Variants in HLCS observed in about 807,000 individuals in gnomAD.
HLCS encodes holocarboxylase synthetase.
A neutral mutation model predicts 75.0 loss-of-function variants in HLCS; 53 were observed. The ratio of observed to expected loss-of-function variants is 0.71; its 90% confidence interval spans 0.57 to 0.89. The LOEUF is 0.89. HLCS is among the 40% of genes least tolerant of loss of function. The probability of loss-of-function intolerance (pLI) is 0.00; values close to 1 mark genes in which losing one functional copy is unlikely to be tolerated. For synonymous variants in HLCS, 431 were observed against 428.6 expected, an observed-to-expected ratio of 1.01 and a Z score of -0.07; for missense variants, 966 against 1,074.0, an observed-to-expected ratio of 0.90 and a Z score of 1.41.
chr21:36,780,017 T>C (rs958360271), intron 6 of HLCS, among the ~76,000 whole-genome samples: 2 of 152,164 alleles, frequency 1.3e-5, no homozygotes, highest in African/African-American at 4.8e-5. Flanking sequence ...CACAAATGAA[T>C]GGATACATGC....
intron 6 of HLCS, among the ~76,000 whole-genome samples, chr21:36,837,615 G>A (rs1386127517): frequency 6.6e-6 from 1 of 152,030 alleles, no homozygotes; most frequent in African/African-American, 2.4e-5. Flanking sequence ...TTAGCAGCAG[G>A]AATATAATTA....
chr21:36,827,335 A>G (rs1189154654), intron 6 of HLCS, among the ~76,000 whole-genome samples: 1 of 152,098 alleles, frequency 6.6e-6, no homozygotes, highest in Non-Finnish European at 1.5e-5. Flanking sequence ...TTGGGATGCC[A>G]AGGCGAGCGG....
intron 6 of HLCS, among the ~76,000 whole-genome samples, chr21:36,875,462 C>T (rs1429372029): frequency 6.6e-6 from 1 of 152,240 alleles, no homozygotes; most frequent in East Asian, 1.9e-4. Flanking sequence ...GAGAGCTGGA[C>T]ACATGTCGGG....
Position 36,752,521 on chromosome 21 carries a change from TG to T in HLCS, c.*1724del, listed in dbSNP as rs1248175060. ...TTTGTCCCTGATGATATTCTGCAGA[TG>T]CCCTCTCAAGGGTAAGTCCATTTTG... On this transcript the variant is annotated 3_prime_UTR_variant, in exon 11 of 11. Coordinates refer to ENST00000674895, the MANE Select transcript of HLCS (RefSeq NM_001352514.2). The T allele has an allele frequency of 1.3e-5, 2 of 152,606 alleles. No homozygotes were observed. The highest frequency in any genetic ancestry group is 4.8e-5 in the African/African-American group (2 of 41,454). 9.5% of individuals were successfully genotyped at this position (152,606 alleles called of 1,614,324 possible).
At chr21:36,763,165 C>T (rs987700229) in intron 8 of HLCS, among the ~76,000 whole-genome samples, 5 of 152,166 alleles carry the variant, frequency 3.3e-5, no homozygotes, top group African/African-American at 4.8e-5. Context: ...GCTGAGATTA[C>T]AGGCACCCAT....
chr21:36,753,907 A>C lies in HLCS; in HGVS notation c.*339T>G, dbSNP rs1306553337. 1.5e-5 allele frequency: 6 copies of C among 393,460 alleles called. No individual in the cohort carries two copies. Among genetic ancestry groups the C allele is most frequent in the Non-Finnish European group, 2.9e-5 (6 of 208,732 alleles). 24.4% of individuals were successfully genotyped at this position (393,460 alleles called of 1,614,324 possible). On this transcript the variant is annotated 3_prime_UTR_variant, in exon 11 of 11. Coordinates refer to ENST00000674895, the MANE Select transcript of HLCS (RefSeq NM_001352514.2). The surrounding 1 kb of genome is among the most constrained non-coding windows in gnomAD (Gnocchi z 4.3). ...TCATAGACTAGGGGTAAAGGTCTGC[A>C]CTACTAAGAAAATATCTGAATTTTC...
intron 6 of HLCS, among the ~76,000 whole-genome samples, chr21:36,879,250 CAGAAA>C (rs1331245615): frequency 6.6e-6 from 1 of 152,118 alleles, no homozygotes; most frequent in Non-Finnish European, 1.5e-5. Flanking sequence ...AAGTATCTTC[CAGAAA>C]AGAAAGATTG....
At chr21:36,912,835 G>T (rs1005621561) in intron 5 of HLCS, among the ~76,000 whole-genome samples, 2 of 152,058 alleles carry the variant, frequency 1.3e-5, no homozygotes, top group South Asian at 4.2e-4. Flanking sequence ...GCAACCGAGG[G>T]GTCTCGCTGT....
intron 4 of HLCS, 102 bp from the exon 5 acceptor site, chr21:36,930,535 G>A: frequency 9.9e-7 from 1 of 1,010,268 alleles, no homozygotes; most frequent in Non-Finnish European, 1.5e-6. Context: ...TTTAGAGACA[G>A]GATCTCATTA....
In HLCS at chr21:36,753,968, A is replaced by G. The variant is rs974361872; in HGVS notation, c.*278T>C. The G allele has an allele frequency of 3.9e-6, 2 of 515,238 alleles. No homozygotes were observed. Among genetic ancestry groups the G allele is most frequent in the African/African-American group, 3.8e-5 (2 of 52,140 alleles). 31.9% of individuals were successfully genotyped at this position (515,238 alleles called of 1,614,324 possible). On this transcript the variant is annotated 3_prime_UTR_variant, in exon 11 of 11. Transcript: ENST00000674895. The surrounding 1 kb of genome is among the most constrained non-coding windows in gnomAD (Gnocchi z 4.3). ...TTCCATGTAAAAACTCCCCTTGACA[A>G]TAAACGTAAGTCCAAGCCACAGAGG...
chr21:36,851,091 A>T lies in HLCS; in HGVS notation c.1892+45769T>A, dbSNP rs184516990. Among the ~76,000 whole-genome samples the T allele has an allele frequency of 1.3e-3, 191 of 152,334 alleles. 2 individuals are homozygous for T. Among genetic ancestry groups the T allele is most frequent in the Admixed American group, 2.8e-3 (43 of 15,302 alleles). On this transcript the variant is annotated intron_variant, in intron 6 of 10. Transcript: ENST00000674895. ...CCTCCCCTCCCTCCATGGAAAAACA[A>T]AAAGGTTATGAGAGAGAAAGATATT...
At chr21:36,892,352 C>T (rs960423455) in intron 6 of HLCS, among the ~76,000 whole-genome samples, 1 of 152,108 alleles carries the variant, frequency 6.6e-6, no homozygotes, top group Non-Finnish European at 1.5e-5. Flanking sequence ...GGTTGCCAGA[C>T]AGCGACAAGG....
intron 6 of HLCS, among the ~76,000 whole-genome samples, chr21:36,797,340 T>C (rs2061057175): frequency 6.6e-6 from 1 of 152,104 alleles, no homozygotes; most frequent in Non-Finnish European, 1.5e-5. Flanking sequence ...ACAGTTGTTT[T>C]AATAGCATTT....
intron 6 of HLCS, among the ~76,000 whole-genome samples, chr21:36,825,591 T>G (rs2061982219): frequency 6.6e-6 from 1 of 152,132 alleles, no homozygotes; most frequent in African/African-American, 2.4e-5. Context: ...AGGAGGTGGG[T>G]CTGGTTCTAC....
At chr21:36,836,319 T>C (rs2062408874) in intron 6 of HLCS, among the ~76,000 whole-genome samples, 1 of 152,120 alleles carries the variant, frequency 6.6e-6, no homozygotes, top group Admixed American at 6.5e-5. Context: ...GAGGGAATTT[T>C]TTTTTATTAT....
chr21:36,854,188 T>C (rs1271285579), intron 6 of HLCS, among the ~76,000 whole-genome samples: 3 of 152,198 alleles, frequency 2.0e-5, no homozygotes, highest in Non-Finnish European at 4.4e-5. Flanking sequence ...AATCACATCC[T>C]ACAATTAAGC....
chr21:36,942,156 C>T (rs1399559414), intron 2 of HLCS, among the ~76,000 whole-genome samples: 1 of 151,920 alleles, frequency 6.6e-6, no homozygotes, highest in Non-Finnish European at 1.5e-5. Context: ...CTGGGCACTC[C>T]AGCCTGGCGA....
At chr21:36,872,498 C>G (rs535250464) in intron 6 of HLCS, among the ~76,000 whole-genome samples, 1 of 152,006 alleles carries the variant, frequency 6.6e-6, no homozygotes, top group Non-Finnish European at 1.5e-5. Context: ...TGGGTTTTGA[C>G]AAATGTGTAC....
intron 2 of HLCS, among the ~76,000 whole-genome samples, chr21:36,956,568 C>T (rs1348103864): frequency 6.6e-6 from 1 of 151,522 alleles, no homozygotes. Flanking sequence ...CTCTACTAAA[C>T]ATACAAAAAA....
Sources: allele counts gnomAD v4.1 joint callset (sites outside exome capture counted in the v4.1 genomes callset), GRCh38; gene constraint gnomAD v4.1.1; non-coding constraint Gnocchi (gnomAD v3.1); transcripts MANE v1.5; gene names NCBI Gene and HGNC (gene_info 2026-07-23, HGNC 2026-07-21).